ATRNL1: variants seen among roughly 807,000 people sequenced by gnomAD.
ATRNL1 encodes attractin like 1.
A neutral mutation model predicts 182.7 loss-of-function variants in ATRNL1; 95 were observed. That is an observed-to-expected ratio of 0.52 (90% CI 0.44 to 0.62). ATRNL1 has a LOEUF of 0.62. ATRNL1 is among the 20% of genes least tolerant of loss of function. The pLI is 0.00. For synonymous variants in ATRNL1, 576 were observed against 568.3 expected (o/e 1.01, Z -0.19); for missense variants, 1,471 against 1,679.5 (o/e 0.88, Z 2.17).
chr10:115,756,872 A>ATAGT (rs1459607662), intron 27 of ATRNL1, among the ~76,000 whole-genome samples: 2 of 152,110 alleles, frequency 1.3e-5, no homozygotes, highest in Non-Finnish European at 2.9e-5. Context: ...TATATTTAGG[A>ATAGT]TAGTTAGCTC....
chr10:115,095,360 C>CT (rs367762933), intron 1 of ATRNL1, among the ~76,000 whole-genome samples: 7,975 of 141,264 alleles, frequency 0.056, 235 homozygotes, highest in Non-Finnish European at 0.07. Context: ...GCATACTTTC[C>CT]TTTTTTTTTT....
At chr10:115,581,357 G>A (rs1256600073) in intron 26 of ATRNL1, among the ~76,000 whole-genome samples, 2 of 152,044 alleles carry the variant, frequency 1.3e-5, no homozygotes, top group Non-Finnish European at 2.9e-5. Context: ...TGTTAGATAT[G>A]TATTGTCAGG....
At chr10:115,265,070 ATT>A in intron 10 of ATRNL1, 121 bp from the exon 11 acceptor site, 3 of 480,532 alleles carry the variant, frequency 6.2e-6, no homozygotes, top group Non-Finnish European at 1.1e-5. Flanking sequence ...ATTAATGAGA[ATT>A]TTTTTTTTGC....
In ATRNL1 at chr10:115,467,459, A is replaced by G. The variant is rs111812682; in HGVS notation, c.3496+207A>G. ...TTCTCCTTTATTCAATTAAAATTAG[A>G]TTGGTAACAAATATTATACACTAAA... On this transcript the variant is annotated intron_variant, in intron 23 of 28. Transcript: ENST00000355044. Among the ~76,000 whole-genome samples, 70 of 150,982 alleles carry G rather than the reference A, an allele frequency of 4.6e-4. No homozygotes were observed. Among genetic ancestry groups the G allele is most frequent in the African/African-American group, 1.7e-3 (69 of 41,442 alleles).
intron 28 of ATRNL1, among the ~76,000 whole-genome samples, chr10:115,922,677 T>C (rs1953102256): frequency 1.3e-5 from 2 of 152,172 alleles, no homozygotes; most frequent in Non-Finnish European, 2.9e-5. Flanking sequence ...GTTAAGATTA[T>C]CTTTAGCAGA....
At chr10:115,930,075 G>T (rs1953349345) in intron 28 of ATRNL1, among the ~76,000 whole-genome samples, 1 of 152,008 alleles carries the variant, frequency 6.6e-6, no homozygotes, top group African/African-American at 2.4e-5. Flanking sequence ...GAACTCTGGG[G>T]CTGTAGCTAT....
chr10:115,746,591 C>G (rs1433523076), intron 27 of ATRNL1, among the ~76,000 whole-genome samples: 1 of 151,924 alleles, frequency 6.6e-6, no homozygotes, highest in Non-Finnish European at 1.5e-5. Flanking sequence ...TTTTTATTCA[C>G]TATAATATAT....
At position 115,189,642 on chromosome 10, in the gene ATRNL1, G is replaced by T. The variant is rs1052680217; in HGVS notation, c.1348+18350G>T. Among the ~76,000 whole-genome samples the T allele has an allele frequency of 7.2e-5, 11 of 152,102 alleles. No individual in the cohort carries two copies. In the East Asian group the frequency reaches 2.1e-3, roughly 29 times the overall value. On this transcript the variant is annotated intron_variant, in intron 8 of 28. Transcript: ENST00000355044. ...ATTTTTATAGCTGTAAAATATGTTT[G>T]TGTTTTAGGCTGTTATTACAGAAGG...
intron 8 of ATRNL1, among the ~76,000 whole-genome samples, chr10:115,171,662 T>A (rs1554885669): frequency 6.6e-6 from 1 of 152,012 alleles, no homozygotes; most frequent in African/African-American, 2.4e-5. Context: ...GATTTTTTAT[T>A]TTTTAGCATT....
intron 20 of ATRNL1, among the ~76,000 whole-genome samples, chr10:115,412,621 A>C (rs1554960157): frequency 6.6e-6 from 1 of 152,200 alleles, no homozygotes; most frequent in Non-Finnish European, 1.5e-5. Context: ...TTTGTAATAT[A>C]TTCCTTAAGT....
chr10:115,453,320 T>A (rs1309921613), intron 21 of ATRNL1, among the ~76,000 whole-genome samples: 1 of 144,616 alleles, frequency 6.9e-6, no homozygotes, highest in Non-Finnish European at 1.6e-5. Flanking sequence ...ATAAACAGTA[T>A]ACAAGAGTTT....
At chr10:115,274,057 A>G (rs923477392) in intron 13 of ATRNL1, among the ~76,000 whole-genome samples, 2 of 152,186 alleles carry the variant, frequency 1.3e-5, no homozygotes, top group Non-Finnish European at 2.9e-5. Flanking sequence ...GATAGTAGTT[A>G]TCTGCAGAGG....
At chr10:115,432,926 A>C (rs1554964273) in intron 21 of ATRNL1, among the ~76,000 whole-genome samples, 4 of 152,088 alleles carry the variant, frequency 2.6e-5, no homozygotes, top group Admixed American at 2.0e-4. Flanking sequence ...ATATATTTCA[A>C]AAAGTAGAAT....
rs1554911735 is a variant in ATRNL1 at position 115,268,588 on chromosome 10, T to A, written c.2100+144T>A. The A allele has an allele frequency of 3.8e-5, 21 of 556,818 alleles. 1 individual carries two copies. The allele number at this position is 556,818 out of a possible 1,614,324, so 34.5% of individuals were successfully genotyped here. Reference sequence around the variant, plus strand: ...AGTATATAGGGAATCATTCACTTCTTGGCAAATTGTGAAGTTAGATTGGTT... The same window carrying A: ...AGTATATAGGGAATCATTCACTTCTAGGCAAATTGTGAAGTTAGATTGGTT... On this transcript the variant is annotated intron_variant, in intron 13 of 28. Coordinates refer to ENST00000355044, the MANE Select transcript of ATRNL1 (RefSeq NM_207303.4).
intron 26 of ATRNL1, among the ~76,000 whole-genome samples, chr10:115,596,347 C>G (rs1856240249): frequency 6.6e-6 from 1 of 152,166 alleles, no homozygotes; most frequent in Non-Finnish European, 1.5e-5. Context: ...CTCAAGGGAT[C>G]CACCTGCCTT....
At chr10:115,594,499 A>G (rs1856107364) in intron 26 of ATRNL1, among the ~76,000 whole-genome samples, 1 of 151,776 alleles carries the variant, frequency 6.6e-6, no homozygotes, top group South Asian at 2.1e-4. Context: ...CTTCACTAAT[A>G]CTTGTTTTTT....
At chr10:115,153,108 A>T (rs1278413569) in intron 5 of ATRNL1, among the ~76,000 whole-genome samples, 1 of 152,132 alleles carries the variant, frequency 6.6e-6, no homozygotes, top group Non-Finnish European at 1.5e-5. Flanking sequence ...GTGTTGCTGG[A>T]TTCGGTTTGC....
At chr10:115,132,338 C>T (rs1396885134) in intron 5 of ATRNL1, among the ~76,000 whole-genome samples, 1 of 152,098 alleles carries the variant, frequency 6.6e-6, no homozygotes, top group Non-Finnish European at 1.5e-5. Context: ...CATTGATGGA[C>T]ATTTGGGTTG....
intron 26 of ATRNL1, among the ~76,000 whole-genome samples, chr10:115,693,871 A>G (rs1329301940): frequency 6.6e-6 from 1 of 152,154 alleles, no homozygotes; most frequent in Non-Finnish European, 1.5e-5. Flanking sequence ...TATACAGTCC[A>G]TCATTGACCA....
Sources: allele counts gnomAD v4.1 joint callset (sites outside exome capture counted in the v4.1 genomes callset), GRCh38; gene constraint gnomAD v4.1.1; transcripts MANE v1.5; gene names NCBI Gene and HGNC (gene_info 2026-07-23, HGNC 2026-07-21).